Variants in EBF1 observed in about 807,000 individuals in gnomAD.
EBF1 encodes the protein EBF transcription factor 1.
EBF1 carries 10 observed loss-of-function variants against 68.4 expected under a neutral mutation model. The ratio of observed to expected loss-of-function variants is 0.15; its 90% CI spans 0.09 to 0.25. EBF1 has a LOEUF of 0.25. EBF1 is among the 10% of genes least tolerant of loss of function. EBF1 has a pLI of 1.00. For synonymous variants in EBF1, 298 were observed against 299.8 expected, an observed-to-expected ratio of 0.99 and a Z score of 0.06; for missense variants, 509 against 794.4, an observed-to-expected ratio of 0.64 and a Z score of 4.32.
chr5:158,711,877 G>C (rs1759413000), intron 14 of EBF1, among the ~76,000 whole-genome samples: 2 of 152,210 alleles, frequency 1.3e-5, no homozygotes, highest in Admixed American at 1.3e-4. Flanking sequence ...ATCTAACTCA[G>C]AGCATGGGTT....
chr5:159,048,204 A>G (rs1772819011), intron 6 of EBF1, among the ~76,000 whole-genome samples: 2 of 152,188 alleles, frequency 1.3e-5, no homozygotes, highest in Admixed American at 1.3e-4. Context: ...ATGAAGAATC[A>G]CCAGATGCCT....
chr5:159,096,652 G>A, intron 2 of EBF1: 1 of 610,718 alleles, frequency 1.6e-6, no homozygotes, highest in Non-Finnish European at 2.9e-6. Flanking sequence ...CAGGGCCTAG[G>A]GGCTCGTGCC....
chr5:158,940,517 C>G (rs1419286544), intron 6 of EBF1, among the ~76,000 whole-genome samples: 2 of 152,180 alleles, frequency 1.3e-5, no homozygotes. Flanking sequence ...CAAGGCCAGA[C>G]AGCTGGCAAG....
At chr5:158,905,081 C>A (rs1321844750) in intron 6 of EBF1, among the ~76,000 whole-genome samples, 1 of 152,164 alleles carries the variant, frequency 6.6e-6, no homozygotes, top group Admixed American at 6.5e-5. Context: ...GGAAGAAATA[C>A]ATTCAGCACA....
intron 6 of EBF1, among the ~76,000 whole-genome samples, chr5:158,985,240 C>A (rs139634416): frequency 1.3e-5 from 2 of 152,302 alleles, no homozygotes; most frequent in African/African-American, 2.4e-5. Flanking sequence ...TGAAAACTGG[C>A]AACCTGGATT....
At chr5:158,877,291 G>A (rs1797988999) in intron 6 of EBF1, among the ~76,000 whole-genome samples, 1 of 152,178 alleles carries the variant, frequency 6.6e-6, no homozygotes, top group Non-Finnish European at 1.5e-5. Flanking sequence ...GCATGCCCCT[G>A]AATGGGTTAA....
intron 10 of EBF1, among the ~76,000 whole-genome samples, chr5:158,768,862 TA>T (rs887391386): frequency 1.3e-5 from 2 of 152,104 alleles, no homozygotes; most frequent in African/African-American, 4.8e-5. Context: ...ATGTTCGGTT[TA>T]AAAAAAGTGA....
intron 6 of EBF1, among the ~76,000 whole-genome samples, chr5:158,889,766 T>C (rs1327328110): frequency 6.6e-6 from 1 of 152,214 alleles, no homozygotes; most frequent in Non-Finnish European, 1.5e-5. Context: ...CTAGGTCTTC[T>C]CTACTCCTCT....
intron 6 of EBF1, among the ~76,000 whole-genome samples, chr5:158,868,275 A>T (rs1178570284): frequency 2.0e-5 from 3 of 152,168 alleles, no homozygotes; most frequent in Non-Finnish European, 4.4e-5. Flanking sequence ...TATGGCTGAG[A>T]GTTTAATTCT....
chr5:158,858,016 C>T (rs917866347), intron 6 of EBF1, among the ~76,000 whole-genome samples: 1 of 152,040 alleles, frequency 6.6e-6, no homozygotes, highest in African/African-American at 2.4e-5. Flanking sequence ...ACTTTTTCTC[C>T]CTCTCCTCCA....
At chr5:158,930,670 C>T (rs541014786) in intron 6 of EBF1, among the ~76,000 whole-genome samples, 7 of 152,224 alleles carry the variant, frequency 4.6e-5, no homozygotes, top group Admixed American at 1.3e-4. Context: ...AATTTCCACA[C>T]TGCCTTCTTC....
chr5:158,860,991 C>T (rs1318100944), intron 6 of EBF1, among the ~76,000 whole-genome samples: 3 of 152,186 alleles, frequency 2.0e-5, no homozygotes, highest in Admixed American at 2.0e-4. Context: ...TAGCTTTAGC[C>T]TCCCTAAATC....
At chr5:158,759,076 G>A (rs1037857338) in intron 10 of EBF1, among the ~76,000 whole-genome samples, 14 of 152,170 alleles carry the variant, frequency 9.2e-5, no homozygotes, top group Non-Finnish European at 1.6e-4. Context: ...AAAATGACTT[G>A]TGCACTTCAC....
Position 158,842,390 on chromosome 5 carries a change from A to G in EBF1, c.555-2280T>C, listed in dbSNP as rs150716831. Among the ~76,000 whole-genome samples the G allele has an allele frequency of 6.5e-3, 987 of 152,358 alleles. 14 individuals carry two copies. The highest frequency in any genetic ancestry group is 0.022 in the African/African-American group (933 of 41,586). On this transcript the variant is annotated intron_variant, in intron 6 of 15. Coordinates refer to ENST00000313708, the MANE Select transcript of EBF1 (RefSeq NM_024007.5). ...CTGGCTGCTGCTTTCAAGAACAGTC[A>G]GTTAGAAGGGCATATTTCAAAGCTA...
intron 6 of EBF1, among the ~76,000 whole-genome samples, chr5:158,856,327 T>C (rs1794005444): frequency 6.6e-6 from 1 of 152,242 alleles, no homozygotes; most frequent in Non-Finnish European, 1.5e-5. Context: ...TTTTGAGTGT[T>C]ATTTTTGATA....
At chr5:159,059,463 G>T (rs1372115309) in intron 6 of EBF1, among the ~76,000 whole-genome samples, 1 of 151,984 alleles carries the variant, frequency 6.6e-6, no homozygotes, top group Non-Finnish European at 1.5e-5. Context: ...TAAAGAAAAT[G>T]ACTGCTGTTA....
intron 10 of EBF1, among the ~76,000 whole-genome samples, chr5:158,746,117 G>C (rs1767504091): frequency 6.6e-6 from 1 of 152,182 alleles, no homozygotes; most frequent in Non-Finnish European, 1.5e-5. Flanking sequence ...TGTTTAGCTT[G>C]TCTGAGAGCT....
intron 10 of EBF1, among the ~76,000 whole-genome samples, chr5:158,760,493 T>A (rs896367633): frequency 6.6e-6 from 1 of 152,112 alleles, no homozygotes; most frequent in South Asian, 2.1e-4. Context: ...CCAGAGCCAA[T>A]GTGTTATTAA....
At chr5:158,955,063 G>A (rs370761929) in intron 6 of EBF1, among the ~76,000 whole-genome samples, 80 of 152,176 alleles carry the variant, frequency 5.3e-4, no homozygotes, top group African/African-American at 1.2e-3. Context: ...AGTGGCTCAC[G>A]CCTGTAATCC....
Sources: allele counts gnomAD v4.1 joint callset (sites outside exome capture counted in the v4.1 genomes callset), GRCh38; gene constraint gnomAD v4.1.1; transcripts MANE v1.5; gene names NCBI Gene and HGNC (gene_info 2026-07-23, HGNC 2026-07-21).